NAV2: variants seen among roughly 807,000 people sequenced by gnomAD.
The protein encoded by NAV2 is neuron navigator 2.
NAV2 carries 54 observed loss-of-function variants against 223.2 expected under a neutral mutation model. The ratio of observed to expected loss-of-function variants is 0.24; its 90% CI spans 0.19 to 0.30. NAV2 has a LOEUF of 0.30. Among genes scored for constraint, NAV2 ranks in the 10% least tolerant of loss-of-function variants. NAV2 has a pLI of 1.00. For missense variants in NAV2, 2,806 were observed against 3,147.5 expected (o/e 0.89, Z 2.60); for synonymous variants, 1,279 against 1,239.3 (o/e 1.03, Z -0.67).
intron 3 of NAV2, among the ~76,000 whole-genome samples, chr11:19,865,688 C>T (rs748548086): frequency 5.3e-5 from 8 of 152,220 alleles, no homozygotes; most frequent in Non-Finnish European, 1.2e-4. Context: ...GATGGACTTA[C>T]GAATGATCTT....
intron 1 of NAV2, among the ~76,000 whole-genome samples, chr11:19,418,230 T>C (rs1850462388): frequency 6.6e-6 from 1 of 152,198 alleles, no homozygotes; most frequent in Non-Finnish European, 1.5e-5. Context: ...TCAGTGTTCA[T>C]TGAGAGCCTC....
chr11:19,911,078 A>G (rs1025909695), intron 6 of NAV2, among the ~76,000 whole-genome samples: 38 of 146,954 alleles, frequency 2.6e-4, no homozygotes, highest in South Asian at 6.5e-4. Context: ...GGGCAAGGAC[A>G]GGGCTTAGCA....
chr11:20,107,523 A>G lies in NAV2; in HGVS notation c.6842-141A>G, dbSNP rs1196933441. ...TGTGGCCACCATCCAGGGCTAGTAT[A>G]CCTGCGTTCAGGCCTCAGCCCTGCC... On this transcript the variant is annotated intron_variant, in intron 35 of 37. Coordinates refer to ENST00000349880, the MANE Select transcript of NAV2 (RefSeq NM_145117.5). 5.9e-6 allele frequency: 4 copies of G among 679,302 alleles called. No homozygotes were observed. In the East Asian group the frequency reaches 7.5e-5, roughly 13 times the overall value. The allele number at this position is 679,302 out of a possible 1,614,324, so 42.1% of individuals were successfully genotyped here. A position where few individuals can be genotyped will look rare whatever the true frequency, so the allele number is the denominator to read the frequency against.
intron 1 of NAV2, among the ~76,000 whole-genome samples, chr11:19,659,950 G>T (rs1034731172): frequency 2.0e-5 from 3 of 148,954 alleles, no homozygotes; most frequent in African/African-American, 5.1e-5. Flanking sequence ...CTACACAAAA[G>T]AACTATTATT....
chr11:19,420,441 G>T (rs1046397261), intron 1 of NAV2, among the ~76,000 whole-genome samples: 25 of 152,108 alleles, frequency 1.6e-4, no homozygotes, highest in African/African-American at 5.8e-4. Flanking sequence ...ACACCCAAAA[G>T]AAATGAAGGC....
chr11:19,832,725 T>C (rs1465526390), intron 2 of NAV2, 124 bp downstream of exon 2: 1 of 765,014 alleles, frequency 1.3e-6, no homozygotes, highest in African/African-American at 1.7e-5. Flanking sequence ...TCTTGACAAT[T>C]TATTTGATTT....
At chr11:19,686,362 G>C (rs765908499) in intron 1 of NAV2, among the ~76,000 whole-genome samples, 1 of 152,022 alleles carries the variant, frequency 6.6e-6, no homozygotes, top group Non-Finnish European at 1.5e-5. Flanking sequence ...TTTCCCAGTT[G>C]TCCCCAACAC....
In NAV2 at chr11:20,044,174, C is replaced by T. The variant is rs762663395; in HGVS notation, c.3101C>T (p.Thr1034Ile). 35 of 1,614,098 alleles carry T rather than the reference C, an allele frequency of 2.2e-5. No homozygotes were observed. Among genetic ancestry groups the T allele is most frequent in the Non-Finnish European group, 2.9e-5 (34 of 1,180,048 alleles). The change falls in exon 13 of 38, where the codon ACA becomes ATA. Residue 1034 changes from threonine (T) to isoleucine (I), a missense_variant. Physicochemically the swap from Thr to Ile is moderately conservative, Grantham distance 89. Around this residue, in one of 4 missense-constraint regions of NAV2, gnomAD observed 742 missense variants for 777.9 expected, o/e 0.95. Transcript: ENST00000349880. ...AAGAAGAATCCTGTCATCTCCCAGA[C>T]AGGCTCATGGCGGCGAGGCATGACA... Reference protein sequence around the residue: ...SGKKNPVISQTGSWRRGMTAQ... With the variant: ...SGKKNPVISQIGSWRRGMTAQ...
intron 11 of NAV2, among the ~76,000 whole-genome samples, chr11:20,002,769 T>C (rs1275793839): frequency 6.6e-6 from 1 of 152,150 alleles, no homozygotes; most frequent in Non-Finnish European, 1.5e-5. Context: ...TGTTCCACTG[T>C]GCCCTTCAGA....
chr11:19,447,598 T>C (rs553146158), intron 1 of NAV2, among the ~76,000 whole-genome samples: 23 of 152,342 alleles, frequency 1.5e-4, no homozygotes, highest in African/African-American at 5.1e-4. Context: ...GAGCTGCTAT[T>C]GTTATTACCC....
intron 6 of NAV2, among the ~76,000 whole-genome samples, chr11:19,897,904 A>ATATATATATATATATATATATATGTG (rs1268441003): frequency 3.4e-5 from 5 of 147,750 alleles, no homozygotes; most frequent in African/African-American, 1.3e-4. Flanking sequence ...ATATATATAT[A>ATATATATATATATATATATATATGTG]TGTGAGCAGA....
intron 6 of NAV2, among the ~76,000 whole-genome samples, chr11:19,894,721 G>A (rs2041808190): frequency 6.6e-6 from 1 of 152,112 alleles, no homozygotes; most frequent in Non-Finnish European, 1.5e-5. Flanking sequence ...AAGAAAGAAA[G>A]GGAAGTCATA....
chr11:19,414,775 C>A (rs936020313), intron 1 of NAV2, among the ~76,000 whole-genome samples: 1 of 152,202 alleles, frequency 6.6e-6, no homozygotes, highest in African/African-American at 2.4e-5. Context: ...CAAATTAGAA[C>A]TCAGGATTAA....
intron 1 of NAV2, among the ~76,000 whole-genome samples, chr11:19,508,250 T>G (rs973973719): frequency 6.6e-6 from 1 of 152,132 alleles, no homozygotes; most frequent in East Asian, 1.9e-4. Context: ...TACCCTGACC[T>G]GATCCATGGG....
chr11:19,983,469 G>A (rs1014389231), intron 10 of NAV2, among the ~76,000 whole-genome samples: 1 of 152,162 alleles, frequency 6.6e-6, no homozygotes, highest in Non-Finnish European at 1.5e-5. Context: ...CGTGACAACC[G>A]TAATGTCTTC....
intron 1 of NAV2, among the ~76,000 whole-genome samples, chr11:19,566,522 G>A (rs1257155904): frequency 1.3e-5 from 2 of 152,178 alleles, no homozygotes; most frequent in African/African-American, 4.8e-5. Context: ...TTTTGCAAAC[G>A]CCATTTGGCT....
At chr11:19,696,756 T>G (rs1369792816) in intron 1 of NAV2, among the ~76,000 whole-genome samples, 3 of 152,236 alleles carry the variant, frequency 2.0e-5, no homozygotes, top group Non-Finnish European at 4.4e-5. Context: ...CATTGTGCTC[T>G]CTAAGCACCA....
intron 1 of NAV2, among the ~76,000 whole-genome samples, chr11:19,526,109 C>T (rs927577927): frequency 8.5e-5 from 13 of 152,096 alleles, no homozygotes; most frequent in African/African-American, 2.9e-4. Flanking sequence ...CACAGTGTCA[C>T]GAAGGCAGAC....
intron 1 of NAV2, among the ~76,000 whole-genome samples, chr11:19,737,609 G>T (rs1324750161): frequency 1.3e-5 from 2 of 152,184 alleles, no homozygotes; most frequent in African/African-American, 4.8e-5. Flanking sequence ...CCAGTTCCAT[G>T]TCCCTATGCA....
Sources: allele counts gnomAD v4.1 joint callset (sites outside exome capture counted in the v4.1 genomes callset), GRCh38; gene constraint gnomAD v4.1.1; regional missense constraint gnomAD v4.1.1; transcripts MANE v1.5; gene names NCBI Gene and HGNC (gene_info 2026-07-23, HGNC 2026-07-21).